Variants in LEPR observed in about 807,000 individuals in gnomAD.
The protein encoded by LEPR is OB receptor.
LEPR carries 56 observed loss-of-function variants against 114.7 expected under a neutral mutation model. The observed-to-expected ratio is 0.49, with a 90% CI of 0.39 to 0.61. The LOEUF is 0.61. Ranked by LOEUF, LEPR falls within the 20% of genes least tolerant of loss-of-function variation. The probability of loss-of-function intolerance (pLI) is 0.00; values close to 1 mark genes in which losing one functional copy is unlikely to be tolerated. For synonymous variants in LEPR, 443 were observed against 461.4 expected, an observed-to-expected ratio of 0.96 and a Z score of 0.51; for missense variants, 1,202 against 1,352.9, an observed-to-expected ratio of 0.89 and a Z score of 1.75.
chr1:65,545,853 T>C (rs1479013135), intron 2 of LEPR, among the ~76,000 whole-genome samples: 2 of 151,938 alleles, frequency 1.3e-5, no homozygotes, highest in Non-Finnish European at 2.9e-5. Flanking sequence ...TGCCATTGCT[T>C]TTGGTGTTTT....
intron 1 of LEPR, 91 bp downstream of exon 1, chr1:65,420,831 G>T: frequency 1.4e-6 from 2 of 1,469,892 alleles, no homozygotes; most frequent in Middle Eastern, 3.5e-4. Flanking sequence ...GCGCGCCGTT[G>T]GGGAACGGCC....
chr1:65,527,464 G>A (rs1650052375), intron 2 of LEPR, among the ~76,000 whole-genome samples: 1 of 152,190 alleles, frequency 6.6e-6, no homozygotes, highest in Non-Finnish European at 1.5e-5. Context: ...AGAAGAAAAT[G>A]TCGGGTTGTT....
chr1:65,541,486 A>G (rs1343851748), intron 2 of LEPR, among the ~76,000 whole-genome samples: 1 of 152,148 alleles, frequency 6.6e-6, no homozygotes, highest in Non-Finnish European at 1.5e-5. Flanking sequence ...TTTCCAAGTG[A>G]CAAATATTTA....
intron 8 of LEPR, among the ~76,000 whole-genome samples, chr1:65,600,746 A>G (rs1656392711): frequency 6.6e-6 from 1 of 152,142 alleles, no homozygotes; most frequent in African/African-American, 2.4e-5. Flanking sequence ...ATCATGTTTT[A>G]GGAAAATATC....
chr1:65,605,141 A>T lies in LEPR; in HGVS notation c.1507A>T (p.Ile503Phe). Reference sequence around the variant, plus strand: ...TTTTTATGAATGCATTTTCCAGCCAATCTTCCTATTATCTGGCTACACAAT... The same window carrying T: ...TTTTTATGAATGCATTTTCCAGCCATTCTTCCTATTATCTGGCTACACAAT... Reference protein sequence around the residue: ...DGFYECIFQPIFLLSGYTMWI... With the variant: ...DGFYECIFQPFFLLSGYTMWI... The change falls in exon 11 of 20, where the codon ATC becomes TTC. Residue 503 changes from isoleucine (I) to phenylalanine (F), a missense_variant. Coordinates refer to ENST00000349533, the MANE Select transcript of LEPR (RefSeq NM_002303.6). The T allele has an allele frequency of 1.2e-6, 2 of 1,614,134 alleles. No homozygotes were observed.
chr1:65,613,319 G>C lies in LEPR; in HGVS notation c.1996-2689G>C, dbSNP rs1187550907. Among the ~76,000 whole-genome samples, 6 of 151,990 alleles carry C rather than the reference G, an allele frequency of 3.9e-5. No individual in the cohort carries two copies. The East Asian group carries it at 1.2e-3, about 29-fold the overall frequency. ...TTAATTTTTGAGTACTGGTAAGTTC[G>C]ACTTTATTAAAATTAAAAACTTCTG... On this transcript the variant is annotated intron_variant, in intron 14 of 19. Transcript: ENST00000349533.
intron 2 of LEPR, among the ~76,000 whole-genome samples, chr1:65,517,222 C>T (rs1467036702): frequency 6.6e-6 from 1 of 152,116 alleles, no homozygotes; most frequent in Non-Finnish European, 1.5e-5. Context: ...TATTGGTATT[C>T]CAGACCTGAA....
At chr1:65,440,163 A>AG (rs1441185442) in intron 2 of LEPR, among the ~76,000 whole-genome samples, 1 of 152,114 alleles carries the variant, frequency 6.6e-6, no homozygotes, top group Non-Finnish European at 1.5e-5. Flanking sequence ...AATAATGAGA[A>AG]GGAATCAACA....
chr1:65,527,605 G>A (rs1031186153), intron 2 of LEPR, among the ~76,000 whole-genome samples: 1 of 151,986 alleles, frequency 6.6e-6, no homozygotes, highest in African/African-American at 2.4e-5. Context: ...GCCTCTTTTC[G>A]GTGGCTTGGA....
intron 7 of LEPR, among the ~76,000 whole-genome samples, 162 bp from the exon 8 acceptor site, chr1:65,598,498 T>C (rs1344180963): frequency 1.3e-5 from 2 of 151,698 alleles, no homozygotes; most frequent in African/African-American, 4.8e-5. Flanking sequence ...ATGTGCAAAC[T>C]TTTTTTTTGG....
At chr1:65,548,952 G>C (rs987612808) in intron 2 of LEPR, among the ~76,000 whole-genome samples, 1 of 152,312 alleles carries the variant, frequency 6.6e-6, no homozygotes, top group East Asian at 1.9e-4. Flanking sequence ...GGTACCAGTT[G>C]TTCCTTTCCA....
At chr1:65,527,382 C>G (rs1305734876) in intron 2 of LEPR, among the ~76,000 whole-genome samples, 1 of 152,186 alleles carries the variant, frequency 6.6e-6, no homozygotes, top group Non-Finnish European at 1.5e-5. Context: ...AATGGACACA[C>G]GCACACACAA....
chr1:65,601,662 A>T lies in LEPR; in HGVS notation c.1265A>T (p.Tyr422Phe), dbSNP rs757166405. ...CCNEHECHHRYAELYVIDVNI... is the reference protein window; with the variant it reads ...CCNEHECHHRFAELYVIDVNI... Reference sequence around the variant, plus strand: ...AATGAACATGAATGCCATCATCGCTATGCTGAATTATATGTGATTGGTAAG... The same window carrying T: ...AATGAACATGAATGCCATCATCGCTTTGCTGAATTATATGTGATTGGTAAG... Residue 422 changes from tyrosine to phenylalanine, a missense_variant, in exon 9 of 20, where the codon TAT becomes TTT. Transcript: ENST00000349533. 9 of 1,613,666 alleles carry T rather than the reference A, an allele frequency of 5.6e-6. No individual in the cohort carries two copies. The highest frequency in any genetic ancestry group is 6.8e-6 in the Non-Finnish European group (8 of 1,179,714).
At chr1:65,590,659 T>A (rs1305484012) in intron 5 of LEPR, among the ~76,000 whole-genome samples, 1 of 151,974 alleles carries the variant, frequency 6.6e-6, no homozygotes, top group African/African-American at 2.4e-5. Context: ...TGTGAATCAA[T>A]TAAACCTCTT....
At chr1:65,532,622 A>G (rs931152434) in intron 2 of LEPR, among the ~76,000 whole-genome samples, 1 of 152,224 alleles carries the variant, frequency 6.6e-6, no homozygotes, top group African/African-American at 2.4e-5. Flanking sequence ...AAACTGAGGT[A>G]TATCCATACA....
chr1:65,538,912 G>C (rs1438663819), intron 2 of LEPR, among the ~76,000 whole-genome samples: 1 of 151,676 alleles, frequency 6.6e-6, no homozygotes, highest in East Asian at 1.9e-4. Flanking sequence ...GGAAACACTT[G>C]TGCCTTTTAT....
At chr1:65,489,876 G>A (rs1647773502) in intron 2 of LEPR, among the ~76,000 whole-genome samples, 1 of 152,074 alleles carries the variant, frequency 6.6e-6, no homozygotes, top group African/African-American at 2.4e-5. Flanking sequence ...ATGGGTGAGA[G>A]GGGACTTGAT....
intron 2 of LEPR, among the ~76,000 whole-genome samples, chr1:65,532,445 T>G (rs1650467211): frequency 6.6e-6 from 1 of 152,126 alleles, no homozygotes; most frequent in Non-Finnish European, 1.5e-5. Flanking sequence ...TTTAAGATAG[T>G]CATATGGTAA....
chr1:65,482,116 T>TTACACA (rs1489741188), intron 2 of LEPR, among the ~76,000 whole-genome samples: 1 of 86,418 alleles, frequency 1.2e-5, no homozygotes, highest in Non-Finnish European at 2.4e-5. Flanking sequence ...AATGGCAATT[T>TTACACA]TACACATACA....
Sources: allele counts gnomAD v4.1 joint callset (sites outside exome capture counted in the v4.1 genomes callset), GRCh38; gene constraint gnomAD v4.1.1; transcripts MANE v1.5; gene names NCBI Gene and HGNC (gene_info 2026-07-23, HGNC 2026-07-21).